ZNF208: variants seen among roughly 807,000 people sequenced by gnomAD.
ZNF208 encodes the protein zinc finger protein 208, also known as zinc finger protein 95.
Under a neutral mutation model 12.1 loss-of-function variants are expected in ZNF208, and 10 were observed. That is an observed-to-expected ratio of 0.83 (90% CI 0.51 to 1.40). ZNF208 has a LOEUF of 1.40. Among genes scored for constraint, ZNF208 ranks in the 40% most tolerant of loss-of-function variants. The pLI is 0.00. For missense variants in ZNF208, 1,652 were observed against 1,485.0 expected (o/e 1.11, Z -1.85); for synonymous variants, 497 against 488.4 (o/e 1.02, Z -0.23).
chr19:21,994,241 TAA>T (rs529995940), intron 1 of ZNF208, among the ~76,000 whole-genome samples: 2 of 152,316 alleles, frequency 1.3e-5, no homozygotes, highest in South Asian at 4.1e-4. Context: ...AACAAGCTGC[TAA>T]ATAAAGTCTC....
Position 21,972,063 on chromosome 19 carries a change from G to T in ZNF208, c.2971C>A (p.His991Asn). ...GFSTFSILTKHKVIHTGEKPY... is the reference protein window; with the variant it reads ...GFSTFSILTKNKVIHTGEKPY... Reference sequence around the variant, plus strand: ...TTCTCTCCAGTATGAATTACCTTATGTTTAGTAAGGATTGAGAATGTACTA... The same window carrying T: ...TTCTCTCCAGTATGAATTACCTTATTTTTAGTAAGGATTGAGAATGTACTA... The change falls in exon 4 of 4, where the codon CAT becomes AAT. Residue 991 changes from histidine to asparagine, a missense_variant. Physicochemically the swap from His to Asn is moderately conservative, Grantham distance 68. Around this residue, in one of 3 missense-constraint regions of ZNF208, gnomAD observed 1,239 missense variants for 1,086.2 expected, o/e 1.14. Transcript: ENST00000397126. The T allele has an allele frequency of 1.2e-6, 2 of 1,613,730 alleles. No homozygotes were observed. The highest frequency in any genetic ancestry group is 1.7e-6 in the Non-Finnish European group (2 of 1,179,904).
chr19:21,992,290 C>T (rs375522022), intron 1 of ZNF208, among the ~76,000 whole-genome samples: 10 of 152,180 alleles, frequency 6.6e-5, no homozygotes, highest in African/African-American at 1.7e-4. Flanking sequence ...CCCAGAAGGA[C>T]GCAGCATTAC....
chr19:21,974,143 G>A lies in ZNF208; in HGVS notation c.891C>T (p.Val297=), dbSNP rs1486351475. The change falls in exon 4 of 4, where the codon GTC becomes GTT. Residue 297 remains valine (V), a synonymous_variant. Coordinates refer to ENST00000397126, the MANE Select transcript of ZNF208 (RefSeq NM_007153.3). ...CEECGKAFSK[V]STLTTHKAIH... ...TTGCCTTATGTGTAGTAAGAGTCGAGACCTTACTAAAGGCTTTGCCACATT... is the reference window on the plus strand; with the variant it reads ...TTGCCTTATGTGTAGTAAGAGTCGAAACCTTACTAAAGGCTTTGCCACATT... 3.7e-6 allele frequency: 6 copies of A among 1,612,038 alleles called. No homozygotes were observed. In the Admixed American group the frequency reaches 5.0e-5, roughly 13 times the overall value.
Position 21,973,947 on chromosome 19 carries a change from G to C in ZNF208, c.1087C>G (p.His363Asp), listed in dbSNP as rs1338995722. 5 of 1,613,580 alleles carry C rather than the reference G, an allele frequency of 3.1e-6. No homozygotes were observed. The highest frequency in any genetic ancestry group is 4.2e-6 in the Non-Finnish European group (5 of 1,179,874). Residue 363 changes from histidine to aspartate, a missense_variant, in exon 4 of 4, where the codon CAT becomes GAT. Coordinates refer to ENST00000397126, the MANE Select transcript of ZNF208 (RefSeq NM_007153.3). ...CATTTGTAGGGTTTCTCTCCAGTAT[G>C]AATTACCTTATGTTTAGTAAGGATT... Reference protein sequence around the residue: ...FSILTKHKVIHTGEKPYKCEE... With the variant: ...FSILTKHKVIDTGEKPYKCEE...
intron 4 of ZNF208, among the ~76,000 whole-genome samples, chr19:21,958,772 G>A (rs985872228): frequency 2.6e-5 from 4 of 152,124 alleles, no homozygotes; most frequent in African/African-American, 9.7e-5. Context: ...GTGAGGAATA[G>A]CCAAAAATAT....
intron 4 of ZNF208, among the ~76,000 whole-genome samples, chr19:21,952,412 C>A (rs577143134): frequency 3.9e-5 from 6 of 152,280 alleles, no homozygotes; most frequent in Admixed American, 6.5e-5. Flanking sequence ...CCGACAGATA[C>A]CTCATATAGG....
intron 1 of ZNF208, among the ~76,000 whole-genome samples, chr19:22,006,995 C>T (rs941628650): frequency 1.1e-4 from 16 of 152,112 alleles, no homozygotes; most frequent in African/African-American, 3.1e-4. Context: ...ACTCAGAAAT[C>T]GAAAAACAGG....
chr19:21,999,511 T>G (rs1259830805), intron 1 of ZNF208, among the ~76,000 whole-genome samples: 1 of 152,190 alleles, frequency 6.6e-6, no homozygotes, highest in Non-Finnish European at 1.5e-5. Flanking sequence ...ATAATCACCC[T>G]GGATAATCAG....
At chr19:21,975,643 G>A (rs1375523498) in intron 3 of ZNF208, among the ~76,000 whole-genome samples, 7 of 151,682 alleles carry the variant, frequency 4.6e-5, no homozygotes, top group Admixed American at 4.6e-4. Flanking sequence ...ACAATTTTCA[G>A]AAAGAACCCA....
chr19:21,946,043 T>C (rs569197639), intron 4 of ZNF208, among the ~76,000 whole-genome samples: 1 of 152,338 alleles, frequency 6.6e-6, no homozygotes, highest in South Asian at 2.1e-4. Flanking sequence ...CTTACTTAGA[T>C]AATGGAGCAA....
chr19:21,946,631 T>C (rs1296350844), intron 4 of ZNF208, among the ~76,000 whole-genome samples: 1 of 152,142 alleles, frequency 6.6e-6, no homozygotes, highest in Non-Finnish European at 1.5e-5. Flanking sequence ...AACTATAACA[T>C]ATTTTGGTGT....
At position 21,973,548 on chromosome 19, in the gene ZNF208, G is replaced by A; in HGVS notation, c.1486C>T (p.Pro496Ser). ...CDKATHAGEKPYKCEECGKAF... is the reference protein window; with the variant it reads ...CDKATHAGEKSYKCEECGKAF... ...TTGCCACATTCTTCACATTTGTAGGGTTTCTCTCCAGCATGAGTTGCCTTA... is the reference window on the plus strand; with the variant it reads ...TTGCCACATTCTTCACATTTGTAGGATTTCTCTCCAGCATGAGTTGCCTTA... Residue 496 changes from proline to serine, a missense_variant, in exon 4 of 4, where the codon CCC becomes TCC. Pro to Ser is a moderately conservative substitution (Grantham distance 74). Transcript: ENST00000397126. 1 of 1,613,334 alleles carries A rather than the reference G, an allele frequency of 6.2e-7. No homozygotes were observed. Among genetic ancestry groups the A allele is most frequent in the Non-Finnish European group, 8.5e-7 (1 of 1,179,842 alleles).
rs57954953 is a variant in ZNF208 at position 21,957,563 on chromosome 19, AC to A, written c.305+17165del. On this transcript the variant is annotated intron_variant, in intron 4 of 4. Transcript: ENST00000599916. ...ATGTCACTTTCCAACAGACTTAGAA[AC>A]ACTATGCTCTTGGAACCTCAAAAAT... Among the ~76,000 whole-genome samples the A allele has an allele frequency of 1.5e-3, 234 of 152,292 alleles. 3 individuals carry two copies. In the East Asian group the frequency reaches 0.041, roughly 27 times the overall value.
chr19:21,956,210 AG>A (rs1467902688), intron 4 of ZNF208, among the ~76,000 whole-genome samples: 6 of 152,122 alleles, frequency 3.9e-5, no homozygotes, highest in Non-Finnish European at 7.4e-5. Flanking sequence ...TTCATCTCAG[AG>A]GGGCACCCGG....
chr19:21,982,955 C>T (rs1457096420), intron 3 of ZNF208, among the ~76,000 whole-genome samples: 1 of 152,082 alleles, frequency 6.6e-6, no homozygotes, highest in African/African-American at 2.4e-5. Context: ...TAGGCATGGG[C>T]AAAGACTTCA....
chr19:21,963,353 T>C (rs1020424831), downstream of ZNF208, among the ~76,000 whole-genome samples: 2 of 152,108 alleles, frequency 1.3e-5, no homozygotes, highest in Admixed American at 1.3e-4. Flanking sequence ...TTGAGTACTA[T>C]AAATAAACAA....
chr19:21,963,162 GT>G (rs1970106443), downstream of ZNF208, among the ~76,000 whole-genome samples: 1 of 151,970 alleles, frequency 6.6e-6, no homozygotes, highest in African/African-American at 2.4e-5. Flanking sequence ...ACTTGTTTTG[GT>G]GATACTCCTG....
chr19:21,976,070 A>G (rs1970426393), intron 3 of ZNF208, among the ~76,000 whole-genome samples: 3 of 152,132 alleles, frequency 2.0e-5, no homozygotes, highest in Admixed American at 2.0e-4. Context: ...AAAGACATGC[A>G]CAGACAAAAA....
chr19:21,953,173 C>T (rs1476520152), intron 4 of ZNF208, among the ~76,000 whole-genome samples: 1 of 152,068 alleles, frequency 6.6e-6, no homozygotes, highest in Non-Finnish European at 1.5e-5. Flanking sequence ...TGTGAAAAGA[C>T]CAAATCTACA....
Sources: allele counts gnomAD v4.1 joint callset (sites outside exome capture counted in the v4.1 genomes callset), GRCh38; gene constraint gnomAD v4.1.1; regional missense constraint gnomAD v4.1.1; transcripts MANE v1.5; gene names NCBI Gene and HGNC (gene_info 2026-07-23, HGNC 2026-07-21).